CPNE8: variants seen among roughly 807,000 people sequenced by gnomAD.
The protein encoded by CPNE8 is copine-8.
Under a neutral mutation model 81.5 loss-of-function variants are expected in CPNE8, and 45 were observed. The ratio of observed to expected loss-of-function variants is 0.55; its 90% CI spans 0.44 to 0.71. The LOEUF (loss-of-function observed/expected upper bound fraction) is 0.71, where lower values mean the gene tolerates loss of function less well. Among genes scored for constraint, CPNE8 ranks in the 30% least tolerant of loss-of-function variants. The pLI is 0.00. For synonymous variants in CPNE8, 252 were observed against 226.3 expected (o/e 1.11, Z -1.02); for missense variants, 594 against 672.1 (o/e 0.88, Z 1.28).
intron 19 of CPNE8, among the ~76,000 whole-genome samples, chr12:38,665,013 A>T (rs1246129125): frequency 6.6e-6 from 1 of 152,216 alleles, no homozygotes; most frequent in Admixed American, 6.5e-5. Context: ...TTATTTCTTC[A>T]GTCATGTCAC....
Position 38,704,826 on chromosome 12 carries a change from G to GTATATATGTGTGTATATATATATA in CPNE8, c.915-1906_915-1905insTATATATATATACACACATATATA, listed in dbSNP as rs1940051981. 8.0e-5 allele frequency among the ~76,000 whole-genome samples: 4 copies of GTATATATGTGTGTATATATATATA among 50,196 alleles called. No homozygotes were observed. In the South Asian group the frequency reaches 3.3e-3, roughly 41 times the overall value. The allele number at this position is 50,196 out of a possible 152,430, so 32.9% of individuals were successfully genotyped here. On this transcript the variant is annotated intron_variant, in intron 13 of 19. Coordinates refer to ENST00000331366, the MANE Select transcript of CPNE8 (RefSeq NM_153634.3). The stretch of plus-strand genomic sequence containing the variant: ...GGACCATCTGTGTGTGTATGTATGT[G>GTATATATGTGTGTATATATATATA]TATATATATATATATATATATATAT...
At chr12:38,660,217 C>T (rs1229398004) in intron 19 of CPNE8, among the ~76,000 whole-genome samples, 2 of 152,190 alleles carry the variant, frequency 1.3e-5, no homozygotes, top group Admixed American at 6.5e-5. Flanking sequence ...TCAAACTATA[C>T]TACAAGGCTA....
Position 38,700,443 on chromosome 12 carries a change from T to G in CPNE8, c.961+2432A>C, listed in dbSNP as rs190576242. Among the ~76,000 whole-genome samples the G allele has an allele frequency of 5.9e-5, 9 of 152,164 alleles. No homozygotes were observed. In the East Asian group the frequency reaches 1.8e-3, roughly 30 times the overall value. ...TAGTAGAGACGGGGTTTCACCATGT[T>G]GCCCAGGCTGGTCTCAAGCAATCCA... is the stretch of plus-strand genomic sequence containing the variant. On this transcript the variant is annotated intron_variant, in intron 14 of 19. Coordinates refer to ENST00000331366, the MANE Select transcript of CPNE8 (RefSeq NM_153634.3).
chr12:38,785,166 T>C (rs975244858), intron 6 of CPNE8, among the ~76,000 whole-genome samples: 14 of 147,408 alleles, frequency 9.5e-5, no homozygotes, highest in African/African-American at 3.3e-4. Context: ...CCAGCCTGGA[T>C]GACAGAGTGA....
intron 3 of CPNE8, among the ~76,000 whole-genome samples, chr12:38,858,596 C>A (rs1213315757): frequency 3.3e-5 from 5 of 152,104 alleles, no homozygotes; most frequent in Non-Finnish European, 5.9e-5. Context: ...TGGAAAGGGG[C>A]AATTAATTCC....
At chr12:38,784,063 A>G (rs1264471793) in intron 6 of CPNE8, among the ~76,000 whole-genome samples, 4 of 152,266 alleles carry the variant, frequency 2.6e-5, no homozygotes, top group Non-Finnish European at 4.4e-5. Flanking sequence ...GAGATATGTG[A>G]GCATACAGAC....
rs1468942541 is a variant in CPNE8 at position 38,654,051 on chromosome 12, T to C, written c.1526A>G (p.Tyr509Cys). 1.9e-6 allele frequency: 3 copies of C among 1,607,576 alleles called. No individual in the cohort carries two copies. Among genetic ancestry groups the C allele is most frequent in the Non-Finnish European group, 2.5e-6 (3 of 1,177,266 alleles). The change falls in exon 20 of 20, where the codon TAT (tyrosine) becomes TGT (cysteine). Residue 509 changes from tyrosine to cysteine, a missense_variant. Transcript: ENST00000331366. ...TATGTGGTTTCCACTTCTGTCAATA[T>C]AATCCCTGAATGGCACAAACTAAAA... is the stretch of plus-strand genomic sequence containing the variant. ...DIVQFVPFRD[Y>C]IDRSGNHILS...
chr12:38,717,456 T>TATATATATATATATAC (rs1215784272), intron 13 of CPNE8, among the ~76,000 whole-genome samples: 9 of 139,502 alleles, frequency 6.5e-5, no homozygotes, highest in South Asian at 2.3e-4. Context: ...TATATATATA[T>TATATATATATATATAC]ATACACCATG....
rs1442222206 is a variant in CPNE8 at position 38,796,143 on chromosome 12, C to G, written c.408-19842G>C. Among the ~76,000 whole-genome samples the G allele has an allele frequency of 3.3e-5, 5 of 152,080 alleles. No individual in the cohort carries two copies. The East Asian group carries it at 9.7e-4, about 29-fold the overall frequency. ...TCTACCAAAAACATAAAAAATTAGC[C>G]AGATGTGGCAGTGCATGCCTGTAAT... On this transcript the variant is annotated intron_variant, in intron 6 of 19. Coordinates refer to ENST00000331366, the MANE Select transcript of CPNE8 (RefSeq NM_153634.3).
intron 16 of CPNE8, among the ~76,000 whole-genome samples, chr12:38,682,493 G>A (rs762227760): frequency 6.6e-6 from 1 of 152,188 alleles, no homozygotes; most frequent in Non-Finnish European, 1.5e-5. Flanking sequence ...GGGAAGCAGA[G>A]GTTGCAGTGA....
intron 6 of CPNE8, among the ~76,000 whole-genome samples, chr12:38,786,558 T>C (rs771030992): frequency 1.3e-5 from 2 of 152,168 alleles, no homozygotes. Flanking sequence ...AGCCTGCAGA[T>C]GGCCTATTAT....
chr12:38,761,970 C>T (rs551007794), intron 9 of CPNE8, 142 bp downstream of exon 9: 19 of 453,246 alleles, frequency 4.2e-5, no homozygotes, highest in East Asian at 1.0e-4. Flanking sequence ...AAATATGCAA[C>T]GTATTTTAGC....
At chr12:38,676,656 G>GT (rs1443259130) in intron 17 of CPNE8, among the ~76,000 whole-genome samples, 5 of 152,244 alleles carry the variant, frequency 3.3e-5, no homozygotes, top group Non-Finnish European at 5.9e-5. Flanking sequence ...GTTATAACAT[G>GT]TTTTTTCCAT....
intron 4 of CPNE8, among the ~76,000 whole-genome samples, chr12:38,843,432 C>A (rs1433271338): frequency 6.6e-6 from 1 of 152,180 alleles, no homozygotes; most frequent in African/African-American, 2.4e-5. Flanking sequence ...GAAGACTTTT[C>A]CCTCTCTGTT....
At chr12:38,684,537 G>C (rs182468869) in intron 16 of CPNE8, among the ~76,000 whole-genome samples, 1 of 152,254 alleles carries the variant, frequency 6.6e-6, no homozygotes, top group Admixed American at 6.5e-5. Context: ...ACCTGAGTTG[G>C]AGTTCCACAG....
intron 6 of CPNE8, among the ~76,000 whole-genome samples, chr12:38,798,131 C>T (rs183247079): frequency 0.013 from 1,975 of 152,190 alleles, 49 homozygotes; most frequent in African/African-American, 0.044. Flanking sequence ...CTCTGCAAGA[C>T]ATTATCCAGG....
chr12:38,832,630 G>A (rs1434239472), intron 5 of CPNE8, among the ~76,000 whole-genome samples: 2 of 152,176 alleles, frequency 1.3e-5, no homozygotes, highest in South Asian at 2.1e-4. Flanking sequence ...ATGTACATAC[G>A]ACTTAAATGG....
chr12:38,843,068 T>G (rs574610849), intron 4 of CPNE8, among the ~76,000 whole-genome samples: 2 of 152,202 alleles, frequency 1.3e-5, no homozygotes, highest in Non-Finnish European at 2.9e-5. Flanking sequence ...TATATGATCA[T>G]GGAGGAAGCT....
chr12:38,846,984 T>C (rs1943568501), intron 4 of CPNE8, among the ~76,000 whole-genome samples: 1 of 152,042 alleles, frequency 6.6e-6, no homozygotes, highest in African/African-American at 2.4e-5. Flanking sequence ...AAAGGATATC[T>C]GCAAAATACA....
Sources: gnomAD v4.1 joint callset for allele counts (sites outside exome capture counted in the v4.1 genomes callset) on GRCh38, gnomAD v4.1.1 for gene constraint, MANE v1.5 for transcripts, NCBI Gene and HGNC (gene_info 2026-07-23, HGNC 2026-07-21) for gene names.